Variants in PAPSS1 observed in about 807,000 individuals in gnomAD.
PAPSS1 encodes bifunctional 3'-phosphoadenosine 5'-phosphosulfate synthase 1.
Under a neutral mutation model 72.0 loss-of-function variants are expected in PAPSS1, and 50 were observed. That is an observed-to-expected ratio of 0.69 (90% confidence interval 0.55 to 0.88). PAPSS1 has a LOEUF of 0.88. Ranked by LOEUF, PAPSS1 falls within the 40% of genes least tolerant of loss-of-function variation. The pLI is 0.00. For synonymous variants in PAPSS1, 261 were observed against 263.6 expected (o/e 0.99, Z 0.09); for missense variants, 657 against 782.2 (o/e 0.84, Z 1.91).
chr4:107,692,778 G>GTATA (rs148086345), intron 3 of PAPSS1, among the ~76,000 whole-genome samples: 1,813 of 147,052 alleles, frequency 0.012, 30 homozygotes, highest in African/African-American at 0.042. Flanking sequence ...AACACGGTGT[G>GTATA]TATATATATA....
chr4:107,665,198 A>C (rs1727284189), intron 5 of PAPSS1, among the ~76,000 whole-genome samples: 1 of 152,204 alleles, frequency 6.6e-6, no homozygotes, highest in Non-Finnish European at 1.5e-5. Flanking sequence ...TAAAGACAAA[A>C]GGACTCAGTC....
At chr4:107,669,255 T>C (rs1427445445) in intron 5 of PAPSS1, among the ~76,000 whole-genome samples, 2 of 152,230 alleles carry the variant, frequency 1.3e-5, no homozygotes, top group African/African-American at 4.8e-5. Flanking sequence ...GGATGAACTT[T>C]GAGCTGAATG....
intron 1 of PAPSS1, 197 bp downstream of exon 1, chr4:107,719,923 G>C: frequency 7.3e-7 from 1 of 1,373,074 alleles, no homozygotes; most frequent in South Asian, 1.7e-5. Context: ...GCTAGGGCGA[G>C]ATCCCCACCC....
chr4:107,710,746 T>C (rs1723467415), intron 1 of PAPSS1, among the ~76,000 whole-genome samples: 1 of 152,218 alleles, frequency 6.6e-6, no homozygotes, highest in Admixed American at 6.5e-5. Flanking sequence ...TCTCTCTGGG[T>C]GTGAGCAAGA....
At chr4:107,662,574 A>G (rs188041229) in intron 5 of PAPSS1, among the ~76,000 whole-genome samples, 52 of 152,080 alleles carry the variant, frequency 3.4e-4, no homozygotes, top group African/African-American at 1.2e-3. Flanking sequence ...GTTTATACAT[A>G]ATACCAGGAG....
intron 1 of PAPSS1, among the ~76,000 whole-genome samples, chr4:107,704,068 G>A (rs1311737979): frequency 6.6e-6 from 1 of 151,828 alleles, no homozygotes; most frequent in Non-Finnish European, 1.5e-5. Context: ...TACTTCCTTG[G>A]TTAAATGTAT....
At chr4:107,669,470 T>C (rs1199620154) in intron 5 of PAPSS1, among the ~76,000 whole-genome samples, 1 of 152,228 alleles carries the variant, frequency 6.6e-6, no homozygotes, top group South Asian at 2.1e-4. Context: ...CTATACACTA[T>C]AAACAAAATA....
chr4:107,614,377 A>G lies in PAPSS1; in HGVS notation c.1747T>C (p.Phe583Leu), dbSNP rs760533641. Reference sequence around the variant, plus strand: ...ATTCGTGTTCCTGAAATAAATTCAAAGTCTTCATGGCTAAAGGAGAGGAAA... The same window carrying G: ...ATTCGTGTTCCTGAAATAAATTCAAGGTCTTCATGGCTAAAGGAGAGGAAA... ...DYYDSEHHEDFEFISGTRMRK... is the reference protein window; with the variant it reads ...DYYDSEHHEDLEFISGTRMRK... The change falls in exon 12 of 12, where the codon TTT becomes CTT. Residue 583 changes from phenylalanine to leucine, a missense_variant. Coordinates refer to ENST00000265174, the MANE Select transcript of PAPSS1 (RefSeq NM_005443.5). The G allele has an allele frequency of 6.2e-7, 1 of 1,613,484 alleles. No individual in the cohort carries two copies.
rs1578422040 is a variant in PAPSS1, at chr4:107,686,297, G to A, written c.550+742C>T. On this transcript the variant is annotated intron_variant, in intron 4 of 11. Transcript: ENST00000265174. Reference sequence around the variant, plus strand: ...ATGTGCAAGTCCCTTACATAAAATGGTGTACTATTTGCATATAACCTATGT... The same window carrying A: ...ATGTGCAAGTCCCTTACATAAAATGATGTACTATTTGCATATAACCTATGT... Among the ~76,000 whole-genome samples, 3 of 152,080 alleles carry A rather than the reference G, an allele frequency of 2.0e-5. No individual in the cohort carries two copies. In the East Asian group the frequency reaches 5.8e-4, roughly 29 times the overall value.
chr4:107,665,532 T>A (rs56085584), intron 5 of PAPSS1, among the ~76,000 whole-genome samples: 27,473 of 152,030 alleles, frequency 0.18, 2,918 homozygotes, highest in East Asian at 0.37. Context: ...GGAAAAAGTC[T>A]GCACACACCT....
intron 11 of PAPSS1, among the ~76,000 whole-genome samples, chr4:107,616,080 T>TAG (rs34351516): frequency 0.23 from 34,877 of 149,520 alleles, 4,491 homozygotes; most frequent in Middle Eastern, 0.32. Context: ...TTTTAGAAAA[T>TAG]AGAGAGAGAG....
intron 5 of PAPSS1, among the ~76,000 whole-genome samples, chr4:107,681,419 G>C (rs935897561): frequency 1.3e-5 from 2 of 152,046 alleles, no homozygotes; most frequent in African/African-American, 4.8e-5. Context: ...AAAACACAAG[G>C]GAAAGAAAAC....
intron 5 of PAPSS1, among the ~76,000 whole-genome samples, chr4:107,662,910 G>C (rs1488310876): frequency 6.6e-6 from 1 of 152,124 alleles, no homozygotes; most frequent in African/African-American, 2.4e-5. Context: ...TTTCCTGGAA[G>C]GACAATACGA....
At chr4:107,693,648 T>A in intron 3 of PAPSS1, 123 bp downstream of exon 3, 1 of 655,146 alleles carries the variant, frequency 1.5e-6, no homozygotes, top group South Asian at 1.9e-5. Flanking sequence ...AACAAAGAGA[T>A]GGTAGCTGGG....
At chr4:107,618,600 G>C (rs1725882637) in intron 11 of PAPSS1, among the ~76,000 whole-genome samples, 1 of 151,966 alleles carries the variant, frequency 6.6e-6, no homozygotes, top group Non-Finnish European at 1.5e-5. Context: ...TGGGGGAGTG[G>C]AGAGAGACAG....
chr4:107,682,217 G>A, intron 4 of PAPSS1, 84 bp from the exon 5 acceptor site: 1 of 679,804 alleles, frequency 1.5e-6, no homozygotes, highest in South Asian at 2.0e-5. Flanking sequence ...CTGCTACATT[G>A]AAGTTAGTAT....
At position 107,694,022 on chromosome 4, in the gene PAPSS1, C is replaced by T; in HGVS notation, c.176-16G>A. 6.5e-7 allele frequency: 1 copy of T among 1,527,242 alleles called. No individual in the cohort carries two copies. The highest frequency in any genetic ancestry group is 9.1e-7 in the Non-Finnish European group (1 of 1,104,570). The allele number at this position is 1,527,242 out of a possible 1,614,324, so 94.6% of individuals were successfully genotyped here. A position where few individuals can be genotyped will look rare whatever the true frequency, so the allele number is the denominator to read the frequency against. Reference sequence around the variant, plus strand: ...CCAGACAAGCCTAAAATTAAACAGTCCAAACAGATTCCATGTGTAAAGTTA... The same window carrying T: ...CCAGACAAGCCTAAAATTAAACAGTTCAAACAGATTCCATGTGTAAAGTTA... On this transcript the variant is annotated splice_polypyrimidine_tract_variant and intron_variant, in intron 2 of 11. Coordinates refer to ENST00000265174, the MANE Select transcript of PAPSS1 (RefSeq NM_005443.5).
intron 2 of PAPSS1, among the ~76,000 whole-genome samples, chr4:107,695,320 T>A (rs916872456): frequency 6.6e-6 from 1 of 152,118 alleles, no homozygotes; most frequent in East Asian, 1.9e-4. Context: ...GAAGAATGCT[T>A]GATTTTTGCA....
chr4:107,615,832 C>T (rs1029509665), intron 11 of PAPSS1, among the ~76,000 whole-genome samples: 1 of 152,026 alleles, frequency 6.6e-6, no homozygotes, highest in African/African-American at 2.4e-5. Flanking sequence ...GGATTAATCC[C>T]CTTATAAGAA....
Sources: allele counts gnomAD v4.1 joint callset (sites outside exome capture counted in the v4.1 genomes callset), GRCh38; gene constraint gnomAD v4.1.1; transcripts MANE v1.5; gene names NCBI Gene and HGNC (gene_info 2026-07-23, HGNC 2026-07-21).